SLC17A8: variants seen among roughly 807,000 people sequenced by gnomAD.
SLC17A8 encodes the protein vesicular glutamate transporter 3.
A neutral mutation model predicts 58.0 loss-of-function variants in SLC17A8; 31 were observed. That is an observed-to-expected ratio of 0.53 (90% CI 0.40 to 0.72). The LOEUF is 0.72. SLC17A8 is among the 30% of genes least tolerant of loss of function. The pLI is 0.00. For synonymous variants in SLC17A8, 228 were observed against 249.0 expected (o/e 0.92, Z 0.79); for missense variants, 655 against 727.8 (o/e 0.90, Z 1.15).
intron 1 of SLC17A8, among the ~76,000 whole-genome samples, chr12:100,370,886 A>G (rs1341916323): frequency 6.6e-6 from 1 of 152,212 alleles, no homozygotes; most frequent in Non-Finnish European, 1.5e-5. Flanking sequence ...CTCAAAATCT[A>G]TGAAGCTGGG....
rs1952918464 is a variant in SLC17A8, at chr12:100,417,995, T to G, written c.1298-34T>G. The G allele has an allele frequency of 1.9e-6, 3 of 1,613,950 alleles. No individual in the cohort carries two copies. In the African/African-American group the frequency reaches 4.0e-5, roughly 22 times the overall value. On this transcript the variant is annotated intron_variant, in intron 10 of 11. Coordinates refer to ENST00000323346, the MANE Select transcript of SLC17A8 (RefSeq NM_139319.3). ...CAAAGCATATTTGAAATTCTGTTCT[T>G]GACTCTGATTTTGAGGTTTTGGCTT...
chr12:100,378,236 C>T (rs1952608312), intron 1 of SLC17A8, among the ~76,000 whole-genome samples: 1 of 152,016 alleles, frequency 6.6e-6, no homozygotes, highest in Admixed American at 6.6e-5. Context: ...GGAGGATGAC[C>T]AAGTGTTTTC....
At chr12:100,392,926 C>T (rs1952726887) in intron 3 of SLC17A8, among the ~76,000 whole-genome samples, 2 of 152,132 alleles carry the variant, frequency 1.3e-5, no homozygotes, top group African/African-American at 4.8e-5. Flanking sequence ...AGGTCTCTAG[C>T]AAGCTTACCT....
At chr12:100,377,015 G>T (rs1343122254) in intron 1 of SLC17A8, among the ~76,000 whole-genome samples, 1 of 152,038 alleles carries the variant, frequency 6.6e-6, no homozygotes, top group Admixed American at 6.6e-5. Flanking sequence ...TTGCCGTGTT[G>T]GTCAGTCTGG....
At chr12:100,391,722 C>T (rs1161559175) in intron 3 of SLC17A8, among the ~76,000 whole-genome samples, 1 of 152,102 alleles carries the variant, frequency 6.6e-6, no homozygotes, top group Non-Finnish European at 1.5e-5. Flanking sequence ...GTTCCTGCCC[C>T]CTAACTGGAT....
In SLC17A8 at chr12:100,380,690, T is replaced by C. The variant is rs769559796; in HGVS notation, c.102-11T>C. ...GGCTTTTATTTTCTGCCTATCCTTT[T>C]TCCCATGTAGAAAAATCGATGGGAC... On this transcript the variant is annotated splice_polypyrimidine_tract_variant and intron_variant, in intron 1 of 11. Transcript: ENST00000323346. 1.9e-6 allele frequency: 3 copies of C among 1,614,092 alleles called. No homozygotes were observed. In the South Asian group the frequency reaches 3.3e-5, roughly 18 times the overall value.
intron 2 of SLC17A8, among the ~76,000 whole-genome samples, chr12:100,384,278 T>C (rs1001080557): frequency 6.6e-6 from 1 of 152,022 alleles, no homozygotes; most frequent in Non-Finnish European, 1.5e-5. Context: ...TGCGAAGAAA[T>C]GTGCAGTGAA....
chr12:100,415,917 C>G (rs1952903410), intron 10 of SLC17A8, among the ~76,000 whole-genome samples: 1 of 152,162 alleles, frequency 6.6e-6, no homozygotes, highest in Non-Finnish European at 1.5e-5. Context: ...ATTGCAGCCA[C>G]AGGGGCAATA....
chr12:100,372,986 C>T (rs1027233752), intron 1 of SLC17A8, among the ~76,000 whole-genome samples: 1 of 152,152 alleles, frequency 6.6e-6, no homozygotes, highest in Non-Finnish European at 1.5e-5. Context: ...TTAGTGGGAA[C>T]ATTTGAATTG....
At chr12:100,404,619 A>G (rs544311626) in intron 9 of SLC17A8, among the ~76,000 whole-genome samples, 2 of 152,176 alleles carry the variant, frequency 1.3e-5, no homozygotes, top group Non-Finnish European at 2.9e-5. Context: ...TTCCCAAAAG[A>G]GGTAGGCGAA....
intron 4 of SLC17A8, among the ~76,000 whole-genome samples, chr12:100,394,500 C>G (rs938724327): frequency 2.2e-4 from 32 of 147,062 alleles, no homozygotes; most frequent in Non-Finnish European, 4.6e-4. Flanking sequence ...CTCCCAGGTT[C>G]AAGCGATTCT....
At chr12:100,359,556 A>T (rs1248121211) in intron 1 of SLC17A8, among the ~76,000 whole-genome samples, 1 of 152,228 alleles carries the variant, frequency 6.6e-6, no homozygotes, top group Non-Finnish European at 1.5e-5. Flanking sequence ...AGATATTGTC[A>T]TGGTTGTCCT....
At chr12:100,395,620 TG>T (rs535794372) in intron 4 of SLC17A8, among the ~76,000 whole-genome samples, 3 of 151,318 alleles carry the variant, frequency 2.0e-5, no homozygotes, top group African/African-American at 7.3e-5. Context: ...CCACTGTGCC[TG>T]GCCTTTTTTT....
chr12:100,395,474 T>G (rs531676706), intron 4 of SLC17A8, among the ~76,000 whole-genome samples: 1 of 152,088 alleles, frequency 6.6e-6, no homozygotes, highest in Admixed American at 6.6e-5. Context: ...AACAGGCACA[T>G]GCCACTGCAC....
At chr12:100,419,724 A>G in intron 11 of SLC17A8, 91 bp from the exon 12 acceptor site, 2 of 1,249,982 alleles carry the variant, frequency 1.6e-6, no homozygotes, top group Non-Finnish European at 2.3e-6. Context: ...CCAAATGGGC[A>G]GGTGCTTTTT....
intron 9 of SLC17A8, among the ~76,000 whole-genome samples, chr12:100,406,659 C>T (rs1166350330): frequency 2.6e-5 from 4 of 152,040 alleles, no homozygotes; most frequent in African/African-American, 4.8e-5. Context: ...CCTCAGCTTC[C>T]TGAGTAGCTG....
In SLC17A8 at chr12:100,420,281, G is replaced by A; in HGVS notation, c.*122G>A. ...ATTGGGAGGGGAGAAGATCTAACCA[G>A]CAACAGGGAAAAGAGAAATATTATC... is the stretch of plus-strand genomic sequence containing the variant. On this transcript the variant is annotated 3_prime_UTR_variant, in exon 12 of 12. Coordinates refer to ENST00000323346, the MANE Select transcript of SLC17A8 (RefSeq NM_139319.3). The A allele has an allele frequency of 1.4e-6, 1 of 732,490 alleles. No individual in the cohort carries two copies. Among genetic ancestry groups the A allele is most frequent in the Admixed American group, 2.3e-5 (1 of 42,886 alleles). 45.4% of individuals were successfully genotyped at this position (732,490 alleles called of 1,614,324 possible).
At position 100,420,135 on chromosome 12, in the gene SLC17A8, G is replaced by C. The variant is rs1204899051; in HGVS notation, c.1746G>C (p.Glu582Asp). 1.2e-6 allele frequency: 2 copies of C among 1,613,516 alleles called. No homozygotes were observed. Among genetic ancestry groups the C allele is most frequent in the Non-Finnish European group, 8.5e-7 (1 of 1,179,754 alleles). The change falls in exon 12 of 12, where the codon GAG becomes GAC. Residue 582 changes from glutamate to aspartate, a missense_variant. Transcript: ENST00000323346. ...EEELTSYQNEERNFSTIS is the reference protein window; with the variant it reads ...EEELTSYQNEDRNFSTIS ...AGCTGACATCCTACCAGAATGAAGA[G>C]AGAAACTTCTCAACTATATCCTAAT...
chr12:100,399,153 G>T (rs182391297), intron 5 of SLC17A8, among the ~76,000 whole-genome samples: 1 of 152,076 alleles, frequency 6.6e-6, no homozygotes, highest in Non-Finnish European at 1.5e-5. Context: ...AGCTAGTGAG[G>T]GCCGAACCGG....
Sources: gnomAD v4.1 joint callset for allele counts (sites outside exome capture counted in the v4.1 genomes callset) on GRCh38, gnomAD v4.1.1 for gene constraint, MANE v1.5 for transcripts, NCBI Gene and HGNC (gene_info 2026-07-23, HGNC 2026-07-21) for gene names.